The following PARD3 variants were observed in gnomAD, a reference collection of about 807,000 sequenced individuals.
The protein encoded by PARD3 is par-3 family cell polarity regulator, also known as partitioning defective 3 homolog.
In PARD3, 75 loss-of-function variants were observed where a neutral mutation model predicts 155.4. The observed-to-expected ratio is 0.48, with a 90% CI of 0.40 to 0.58. PARD3 has a LOEUF of 0.58. Among genes scored for constraint, PARD3 ranks in the 20% least tolerant of loss-of-function variants. PARD3 has a pLI of 0.00. For missense variants in PARD3, 1,642 were observed against 1,721.7 expected (o/e 0.95, Z 0.82); for synonymous variants, 576 against 610.5 (o/e 0.94, Z 0.83).
At chr10:34,772,934 A>T (rs944050735) in intron 1 of PARD3, among the ~76,000 whole-genome samples, 2 of 152,200 alleles carry the variant, frequency 1.3e-5, no homozygotes, top group African/African-American at 2.4e-5. Flanking sequence ...ATATGCCCTT[A>T]ACATGTTACT....
At chr10:34,740,373 GGTCTCCCT>G (rs2094987187) in intron 1 of PARD3, among the ~76,000 whole-genome samples, 1 of 152,208 alleles carries the variant, frequency 6.6e-6, no homozygotes, top group Non-Finnish European at 1.5e-5. Flanking sequence ...CAGTGCATCT[GGTCTCCCT>G]GTCAACAAAC....
chr10:34,361,900 G>C (rs1208678288), intron 12 of PARD3, among the ~76,000 whole-genome samples: 2 of 152,138 alleles, frequency 1.3e-5, no homozygotes, highest in African/African-American at 2.4e-5. Flanking sequence ...CAGAGTAATA[G>C]TCATGTTAAC....
chr10:34,298,850 A>T (rs745320823), intron 20 of PARD3, among the ~76,000 whole-genome samples: 1 of 152,242 alleles, frequency 6.6e-6, no homozygotes. Context: ...TGAGGCGACC[A>T]TATGATCTTT....
At chr10:34,696,243 A>T in intron 2 of PARD3, 75 bp downstream of exon 2, 1 of 787,572 alleles carries the variant, frequency 1.3e-6, no homozygotes, top group South Asian at 1.6e-5. Flanking sequence ...CAGAAAGGAA[A>T]AGAATCGCAC....
rs77823591 is a variant in PARD3 at position 34,253,208 on chromosome 10, C to T, written c.3419+16449G>A. 5.4e-3 allele frequency among the ~76,000 whole-genome samples: 829 copies of T among 152,250 alleles called. 13 individuals are homozygous for T. Among genetic ancestry groups the T allele is most frequent in the African/African-American group, 0.019 (791 of 41,536 alleles). On this transcript the variant is annotated intron_variant, in intron 22 of 24. Transcript: ENST00000374788. ...AGGTGTGGACTCAATCATTACTTTACGACATTTGTCTGTGTATCTGAAATG... is the reference window on the plus strand; with the variant it reads ...AGGTGTGGACTCAATCATTACTTTATGACATTTGTCTGTGTATCTGAAATG...
Position 34,347,982 on chromosome 10 carries a change from G to T in PARD3, c.2201C>A (p.Ala734Asp). ...TGACTCACCCATTATCCTACTGAGG[G>T]CAGCATTTCTGCTGGGCGATTCATC... ...GLDESPSRNAALSRIMGKYQL... is the reference protein window; with the variant it reads ...GLDESPSRNADLSRIMGKYQL... Residue 734 changes from alanine (A) to aspartate (D), a missense_variant, in exon 15 of 25, where the codon GCC becomes GAC. By Grantham distance (126) the Ala-to-Asp change is moderately radical (BLOSUM62 -2). Around this residue, in one of 3 missense-constraint regions of PARD3, gnomAD observed 1,529 missense variants for 1,587.3 expected, o/e 0.96. Transcript: ENST00000374788. 6.2e-7 allele frequency: 1 copy of T among 1,612,568 alleles called. No individual in the cohort carries two copies.
rs1947615121 is a variant in PARD3, at chr10:34,131,585, TGAAA to T, written c.3420-6_3420-3del. 3.1e-6 allele frequency: 5 copies of T among 1,613,674 alleles called. No individual in the cohort carries two copies. The highest frequency in any genetic ancestry group is 2.2e-5 in the South Asian group (2 of 91,062). On this transcript the variant is annotated splice_region_variant and splice_polypyrimidine_tract_variant and intron_variant, in intron 22 of 24. Transcript: ENST00000374788. Reference sequence around the variant, plus strand: ...TGATTGCTAGGAGTTGATCTGTTACTGAAAGAGAGATGAGGCAGCAGTGAATACC... The same window carrying T: ...TGATTGCTAGGAGTTGATCTGTTACTGAGAGATGAGGCAGCAGTGAATACC...
At chr10:34,779,577 C>T (rs886331030) in intron 1 of PARD3, among the ~76,000 whole-genome samples, 8 of 150,546 alleles carry the variant, frequency 5.3e-5, no homozygotes, top group Admixed American at 2.6e-4. Context: ...GCCGAGATCA[C>T]GCCACTGCAC....
chr10:34,198,512 A>G (rs1951060497), intron 22 of PARD3, among the ~76,000 whole-genome samples: 2 of 151,782 alleles, frequency 1.3e-5, no homozygotes, highest in Admixed American at 1.3e-4. Context: ...CTGTGAAGAG[A>G]TAACTGGAAG....
chr10:34,438,108 C>G (rs914517636), intron 5 of PARD3, among the ~76,000 whole-genome samples: 5 of 152,182 alleles, frequency 3.3e-5, no homozygotes, highest in African/African-American at 1.2e-4. Flanking sequence ...ATACAGCAGA[C>G]ACCACTGGAT....
At chr10:34,711,920 T>C (rs1225743664) in intron 1 of PARD3, among the ~76,000 whole-genome samples, 1 of 152,116 alleles carries the variant, frequency 6.6e-6, no homozygotes, top group East Asian at 1.9e-4. Flanking sequence ...AGGAAACATT[T>C]CAGATGTGGG....
intron 2 of PARD3, among the ~76,000 whole-genome samples, chr10:34,656,469 G>A (rs1173237759): frequency 2.6e-5 from 4 of 152,164 alleles, no homozygotes; most frequent in African/African-American, 4.8e-5. Context: ...ATTTCATATC[G>A]AGGGTAGCAT....
At chr10:34,184,041 C>T (rs1200430499) in intron 22 of PARD3, among the ~76,000 whole-genome samples, 1 of 152,138 alleles carries the variant, frequency 6.6e-6, no homozygotes, top group Non-Finnish European at 1.5e-5. Flanking sequence ...TGGTCTCTAA[C>T]TCCTAGGCTC....
At chr10:34,352,279 G>A (rs146147502) in intron 14 of PARD3, among the ~76,000 whole-genome samples, 16 of 152,052 alleles carry the variant, frequency 1.1e-4, no homozygotes, top group Admixed American at 2.0e-4. Context: ...CTCCAGTCTC[G>A]TTTAAAAATC....
intron 17 of PARD3, among the ~76,000 whole-genome samples, chr10:34,336,719 C>T (rs1836231993): frequency 6.6e-6 from 1 of 152,072 alleles, no homozygotes; most frequent in African/African-American, 2.4e-5. Flanking sequence ...TTCCTCCTCT[C>T]ATTTGCTCCT....
chr10:34,485,280 G>A (rs1388062811), intron 3 of PARD3, among the ~76,000 whole-genome samples: 1 of 151,856 alleles, frequency 6.6e-6, no homozygotes, highest in Non-Finnish European at 1.5e-5. Flanking sequence ...AGAGGCGGCA[G>A]TGAGCCAAGA....
At chr10:34,602,470 C>G (rs2089875494) in intron 2 of PARD3, among the ~76,000 whole-genome samples, 1 of 152,140 alleles carries the variant, frequency 6.6e-6, no homozygotes, top group African/African-American at 2.4e-5. Flanking sequence ...TGCTGGATGT[C>G]AACTACACTA....
intron 2 of PARD3, among the ~76,000 whole-genome samples, chr10:34,532,138 G>C (rs984256704): frequency 2.0e-5 from 3 of 152,020 alleles, no homozygotes; most frequent in African/African-American, 7.3e-5. Context: ...GTATATGGAC[G>C]TTTTGATAAA....
At chr10:34,123,294 A>AT (rs11409737) in intron 23 of PARD3, among the ~76,000 whole-genome samples, 38,497 of 151,542 alleles carry the variant, frequency 0.25, 5,142 homozygotes, top group Middle Eastern at 0.39. Flanking sequence ...AAAAATATGT[A>AT]TTTTTTTTTG....
Sources: gnomAD v4.1 joint callset for allele counts (sites outside exome capture counted in the v4.1 genomes callset) on GRCh38, gnomAD v4.1.1 for gene constraint, gnomAD v4.1.1 regional missense constraint, MANE v1.5 for transcripts, NCBI Gene and HGNC (gene_info 2026-07-23, HGNC 2026-07-21) for gene names.